Variants in NTRK3 observed in about 807,000 individuals in gnomAD.
The protein encoded by NTRK3 is NT-3 growth factor receptor.
NTRK3 carries 24 observed loss-of-function variants against 91.7 expected under a neutral mutation model. That is an observed-to-expected ratio of 0.26 (90% CI 0.19 to 0.37). NTRK3 has a LOEUF of 0.37. Among genes scored for constraint, NTRK3 ranks in the 10% least tolerant of loss-of-function variants. NTRK3 has a pLI of 1.00. For missense variants in NTRK3, 880 were observed against 1,068.9 expected (o/e 0.82, Z 2.46); for synonymous variants, 483 against 404.0 (o/e 1.20, Z -2.34).
chr15:87,951,799 C>A (rs1003630977), intron 14 of NTRK3, among the ~76,000 whole-genome samples: 3 of 152,152 alleles, frequency 2.0e-5, no homozygotes, highest in African/African-American at 4.8e-5. Flanking sequence ...ACTAGAATCC[C>A]CATGTGGGGT....
Position 88,104,488 on chromosome 15 carries a change from G to A in NTRK3, c.1396+21783C>T, listed in dbSNP as rs115531593. 8.7e-3 allele frequency among the ~76,000 whole-genome samples: 1,324 copies of A among 152,316 alleles called. 16 individuals carry two copies. The highest frequency in any genetic ancestry group is 0.028 in the African/African-American group (1,174 of 41,576). Reference sequence around the variant, plus strand: ...GTCTTTCACGAGGCTAAAGATTACAGCTGCTGGCTTCTCACTCTGTCATCA... The same window carrying A: ...GTCTTTCACGAGGCTAAAGATTACAACTGCTGGCTTCTCACTCTGTCATCA... On this transcript the variant is annotated intron_variant, in intron 13 of 18. Transcript: ENST00000394480.
chr15:88,076,878 A>G (rs1044497780), intron 13 of NTRK3, among the ~76,000 whole-genome samples: 6 of 152,044 alleles, frequency 3.9e-5, no homozygotes, highest in African/African-American at 1.4e-4. Context: ...GGATCACCTG[A>G]GGTCAGGAGT....
At chr15:88,059,979 C>T (rs899647376) in intron 13 of NTRK3, among the ~76,000 whole-genome samples, 5 of 152,184 alleles carry the variant, frequency 3.3e-5, no homozygotes, top group African/African-American at 1.2e-4. Flanking sequence ...AACCCTACCA[C>T]TACCTTGAGC....
intron 9 of NTRK3, 120 bp from the exon 10 acceptor site, chr15:88,135,517 G>A: frequency 1.7e-6 from 2 of 1,148,538 alleles, no homozygotes; most frequent in Non-Finnish European, 2.5e-6. Context: ...AAGGCTGAGG[G>A]AAGCAGAAGT....
intron 14 of NTRK3, among the ~76,000 whole-genome samples, chr15:88,007,834 C>A (rs926479387): frequency 2.6e-5 from 4 of 152,168 alleles, no homozygotes; most frequent in Non-Finnish European, 4.4e-5. Context: ...CCTCAGTAAT[C>A]TCGTCTGTAA....
chr15:88,154,575 G>A (rs1211975509), intron 5 of NTRK3, among the ~76,000 whole-genome samples: 1 of 152,166 alleles, frequency 6.6e-6, no homozygotes. Context: ...TACACTGGAT[G>A]GCTCATTTAA....
chr15:87,956,764 G>A (rs1168496917), intron 14 of NTRK3, among the ~76,000 whole-genome samples: 1 of 150,572 alleles, frequency 6.6e-6, no homozygotes, highest in Non-Finnish European at 1.5e-5. Flanking sequence ...TAGAGATGGG[G>A]TTTCGCCATG....
intron 5 of NTRK3, among the ~76,000 whole-genome samples, chr15:88,157,522 G>A (rs912993676): frequency 1.3e-5 from 2 of 151,746 alleles, no homozygotes; most frequent in African/African-American, 2.4e-5. Flanking sequence ...CTGACTCTGT[G>A]AGCCCAGGTC....
At position 87,947,675 on chromosome 15, in the gene NTRK3, G is replaced by T. The variant is rs77908241; in HGVS notation, c.1586-6922C>A. ...CACGCAGGAGGGAGGAGGGAGGAGGGAGATTCTTGGCAGGAGAGAAGGGGG... is the reference window on the plus strand; with the variant it reads ...CACGCAGGAGGGAGGAGGGAGGAGGTAGATTCTTGGCAGGAGAGAAGGGGG... On this transcript the variant is annotated intron_variant, in intron 14 of 18. Transcript: ENST00000394480. 8.5e-3 allele frequency among the ~76,000 whole-genome samples: 1,291 copies of T among 152,166 alleles called. 19 individuals are homozygous for T. The highest frequency in any genetic ancestry group is 0.029 in the African/African-American group (1,223 of 41,504).
chr15:88,211,697 C>A (rs1006455573), intron 3 of NTRK3, among the ~76,000 whole-genome samples: 16 of 152,208 alleles, frequency 1.1e-4, no homozygotes, highest in African/African-American at 3.9e-4. Flanking sequence ...CCACAGGTTT[C>A]CTGGCAGCTA....
At chr15:88,146,947 T>C (rs1474056298) in intron 6 of NTRK3, among the ~76,000 whole-genome samples, 1 of 152,166 alleles carries the variant, frequency 6.6e-6, no homozygotes, top group Non-Finnish European at 1.5e-5. Context: ...CTCTTATGAC[T>C]CTTATGATGA....
At chr15:88,245,514 G>T (rs7182602) in intron 3 of NTRK3, among the ~76,000 whole-genome samples, 8 of 152,142 alleles carry the variant, frequency 5.3e-5, no homozygotes, top group African/African-American at 1.7e-4. Flanking sequence ...TGAAAAGTTC[G>T]GGATGCAGGA....
At chr15:87,934,140 G>C (rs1424194855) in intron 15 of NTRK3, among the ~76,000 whole-genome samples, 1 of 152,230 alleles carries the variant, frequency 6.6e-6, no homozygotes, top group African/African-American at 2.4e-5. Flanking sequence ...GCCCAGCAAT[G>C]CTGGCCAGAT....
At chr15:88,148,589 C>T (rs888705649) in intron 5 of NTRK3, among the ~76,000 whole-genome samples, 1 of 152,044 alleles carries the variant, frequency 6.6e-6, no homozygotes, top group Non-Finnish European at 1.5e-5. Context: ...GGAAGGAAGC[C>T]AGTCAGGAAG....
At chr15:88,065,807 T>C (rs2046601250) in intron 13 of NTRK3, among the ~76,000 whole-genome samples, 1 of 152,206 alleles carries the variant, frequency 6.6e-6, no homozygotes, top group Non-Finnish European at 1.5e-5. Context: ...TCTGAAACTC[T>C]CTAATAAGGT....
intron 14 of NTRK3, among the ~76,000 whole-genome samples, chr15:88,020,505 T>A (rs12914593): frequency 6.6e-6 from 1 of 152,172 alleles, no homozygotes; most frequent in African/African-American, 2.4e-5. Context: ...TTCAGTACCA[T>A]CAAGCTGGTT....
chr15:87,892,834 A>T (rs890397369), intron 17 of NTRK3, among the ~76,000 whole-genome samples: 1 of 152,242 alleles, frequency 6.6e-6, no homozygotes, highest in Non-Finnish European at 1.5e-5. Flanking sequence ...GGGTAACTGC[A>T]ATGAAAATAT....
chr15:88,048,728 T>C (rs1229608964), intron 13 of NTRK3, among the ~76,000 whole-genome samples: 1 of 152,158 alleles, frequency 6.6e-6, no homozygotes, highest in African/African-American at 2.4e-5. Context: ...CTTTGCAGAG[T>C]CAGGGGAAGA....
rs767705890 is a variant in NTRK3 at position 88,240,708 on chromosome 15, C to T, written c.248+15198G>A. On this transcript the variant is annotated intron_variant, in intron 3 of 18. Transcript: ENST00000394480. This position sits in a 1 kb window ranked among gnomAD's most constrained non-coding sequence, Gnocchi z 4.9. ...TTCTCCCCTGTAAAATGAGGATGAT[C>T]GTGGGACCTGCCATGTCACTGTGCT... 6.6e-5 allele frequency among the ~76,000 whole-genome samples: 10 copies of T among 152,172 alleles called. No individual in the cohort carries two copies. The highest frequency in any genetic ancestry group is 1.4e-4 in the African/African-American group (6 of 41,436).
Sources: gnomAD v4.1 joint callset for allele counts (sites outside exome capture counted in the v4.1 genomes callset) on GRCh38, gnomAD v4.1.1 for gene constraint, Gnocchi (gnomAD v3.1) non-coding constraint, MANE v1.5 for transcripts, NCBI Gene and HGNC (gene_info 2026-07-23, HGNC 2026-07-21) for gene names.